ITPR2: variants seen among roughly 807,000 people sequenced by gnomAD.
The protein encoded by ITPR2 is inositol 1,4,5-trisphosphate-gated calcium channel ITPR2.
A neutral mutation model predicts 317.1 loss-of-function variants in ITPR2; 207 were observed. The ratio of observed to expected loss-of-function variants is 0.65; its 90% confidence interval spans 0.58 to 0.73. The LOEUF (loss-of-function observed/expected upper bound fraction) is 0.73, where lower values mean the gene tolerates loss of function less well. ITPR2 is among the 30% of genes least tolerant of loss of function. The pLI, the probability that ITPR2 is intolerant of heterozygous loss-of-function variation, is 0.00. For missense variants in ITPR2, 2,613 were observed against 3,284.0 expected (o/e 0.80, Z 4.99); for synonymous variants, 1,156 against 1,149.1 (o/e 1.01, Z -0.12).
intron 35 of ITPR2, 96 bp downstream of exon 35, chr12:26,561,666 A>C (rs1944822365): frequency 1.9e-6 from 2 of 1,037,222 alleles, no homozygotes; most frequent in Non-Finnish European, 2.7e-6. Flanking sequence ...CCCCAAATAG[A>C]ACTTGATATT....
intron 37 of ITPR2, among the ~76,000 whole-genome samples, chr12:26,496,125 C>A (rs767006964): frequency 1.1e-4 from 17 of 152,100 alleles, no homozygotes; most frequent in Non-Finnish European, 1.8e-4. Flanking sequence ...GATTTAAAAG[C>A]ATTATTTAAG....
intron 26 of ITPR2, among the ~76,000 whole-genome samples, chr12:26,610,467 T>C (rs973170865): frequency 2.6e-5 from 4 of 151,446 alleles, no homozygotes; most frequent in African/African-American, 9.7e-5. Context: ...AACTATCAGA[T>C]AGGGAAGGTG....
At chr12:26,598,667 C>G (rs1319690306) in intron 30 of ITPR2, among the ~76,000 whole-genome samples, 1 of 150,286 alleles carries the variant, frequency 6.7e-6, no homozygotes, top group African/African-American at 2.5e-5. Context: ...TAAGTTTCCA[C>G]ATGTTGTAAA....
chr12:26,678,620 T>A (rs1440675070), intron 13 of ITPR2, among the ~76,000 whole-genome samples: 1 of 152,236 alleles, frequency 6.6e-6, no homozygotes, highest in African/African-American at 2.4e-5. Flanking sequence ...CAGCTTTGAA[T>A]GAATTTTGAT....
Position 26,631,856 on chromosome 12 carries a change from G to A in ITPR2, c.2934+10C>T. The A allele has an allele frequency of 6.2e-7, 1 of 1,612,164 alleles. No individual in the cohort carries two copies. ...CATCTTTGTCACCTAGCTTCTGTTAGGCAACACACCTGCAAAATCTCAATG... is the reference window on the plus strand; with the variant it reads ...CATCTTTGTCACCTAGCTTCTGTTAAGCAACACACCTGCAAAATCTCAATG... On this transcript the variant is annotated intron_variant, in intron 22 of 56. Transcript: ENST00000381340.
intron 4 of ITPR2, among the ~76,000 whole-genome samples, chr12:26,724,330 G>A (rs1292078195): frequency 2.0e-5 from 3 of 152,134 alleles, no homozygotes; most frequent in Non-Finnish European, 4.4e-5. Flanking sequence ...AGCTCCATAT[G>A]TTAAACACAG....
Position 26,595,446 on chromosome 12 carries a change from T to C in ITPR2, c.4380+19A>G. 1.2e-6 allele frequency: 2 copies of C among 1,601,236 alleles called. No homozygotes were observed. Among genetic ancestry groups the C allele is most frequent in the Non-Finnish European group, 1.7e-6 (2 of 1,176,026 alleles). On this transcript the variant is annotated intron_variant, in intron 32 of 56. Transcript: ENST00000381340. ...CGAAATATCTATTGACACCCTTCAG[T>C]AGTCAAAATCTAACTTACCCTTGCC...
At chr12:26,567,989 TATATATATTATATATATTATATA>T (rs1555157754) in intron 34 of ITPR2, among the ~76,000 whole-genome samples, 6 of 5,648 alleles carry the variant, frequency 1.1e-3, no homozygotes, top group Non-Finnish European at 2.8e-3. Context: ...TATATATATA[TATATATATTATATATATTATATA>T]TATATATATA....
intron 9 of ITPR2, among the ~76,000 whole-genome samples, chr12:26,697,765 C>A (rs978102295): frequency 3.3e-5 from 5 of 151,722 alleles, no homozygotes; most frequent in African/African-American, 1.2e-4. Flanking sequence ...TGCACTCCAG[C>A]CTGGATGACG....
chr12:26,443,347 A>G (rs1941532649), intron 46 of ITPR2, among the ~76,000 whole-genome samples, 196 bp downstream of exon 46: 1 of 152,200 alleles, frequency 6.6e-6, no homozygotes, highest in African/African-American at 2.4e-5. Context: ...GTTTTAGTAA[A>G]AAAAGACAAC....
At chr12:26,597,669 C>T (rs2136730648) in intron 30 of ITPR2, among the ~76,000 whole-genome samples, 1 of 152,112 alleles carries the variant, frequency 6.6e-6, no homozygotes, top group East Asian at 1.9e-4. Flanking sequence ...AAGTAGAAAA[C>T]TAAAACCAAA....
intron 37 of ITPR2, chr12:26,495,463 G>A: frequency 2.1e-6 from 1 of 487,432 alleles, no homozygotes. Flanking sequence ...AATAAATAAA[G>A]AGGGTGGGAG....
rs190944040 is a variant in ITPR2, at chr12:26,714,413, T to C, written c.855+886A>G. Among the ~76,000 whole-genome samples, 942 of 152,336 alleles carry C rather than the reference T, an allele frequency of 6.2e-3. 8 individuals carry two copies. Among genetic ancestry groups the C allele is most frequent in the Middle Eastern group, 6.8e-3 (2 of 294 alleles). On this transcript the variant is annotated intron_variant, in intron 8 of 56. Transcript: ENST00000381340. ...CAAATCCAAACATATCCATCCAAGATGGGCATAAATATTGTATCTTTTAGA... is the reference window on the plus strand; with the variant it reads ...CAAATCCAAACATATCCATCCAAGACGGGCATAAATATTGTATCTTTTAGA...
chr12:26,629,744 T>TTCTC (rs150195472), intron 22 of ITPR2, among the ~76,000 whole-genome samples: 77 of 150,204 alleles, frequency 5.1e-4, no homozygotes, highest in Non-Finnish European at 9.8e-4. Context: ...CTTTCTCTTT[T>TTCTC]TCTCTCTCTC....
chr12:26,639,093 G>A (rs1263972613), intron 21 of ITPR2, among the ~76,000 whole-genome samples: 1 of 152,150 alleles, frequency 6.6e-6, no homozygotes, highest in South Asian at 2.1e-4. Flanking sequence ...TGAGTCATAA[G>A]AGGAACTGCT....
chr12:26,793,202 A>G (rs538423289), intron 1 of ITPR2, among the ~76,000 whole-genome samples: 1 of 152,334 alleles, frequency 6.6e-6, no homozygotes, highest in East Asian at 1.9e-4. Context: ...AGGGATAAAT[A>G]CAAAGATTGA....
At chr12:26,558,849 T>C (rs1390110266) in intron 35 of ITPR2, among the ~76,000 whole-genome samples, 4 of 152,198 alleles carry the variant, frequency 2.6e-5, no homozygotes, top group Non-Finnish European at 4.4e-5. Flanking sequence ...GGTATCTAAA[T>C]AGGCATCTCA....
At chr12:26,810,389 G>A (rs990964559) in intron 1 of ITPR2, among the ~76,000 whole-genome samples, 2 of 152,070 alleles carry the variant, frequency 1.3e-5, no homozygotes, top group African/African-American at 2.4e-5. Flanking sequence ...TGTAAAAAAA[G>A]CCATAAAGTG....
chr12:26,419,017 A>G, intron 50 of ITPR2, 32 bp downstream of exon 50: 2 of 1,573,146 alleles, frequency 1.3e-6, no homozygotes, highest in Non-Finnish European at 8.6e-7. Flanking sequence ...GTACTTTTTC[A>G]GCAGTGATTG....
Sources: allele counts gnomAD v4.1 joint callset (sites outside exome capture counted in the v4.1 genomes callset), GRCh38; gene constraint gnomAD v4.1.1; transcripts MANE v1.5; gene names NCBI Gene and HGNC (gene_info 2026-07-23, HGNC 2026-07-21).